CABCOCO1: variants seen among roughly 807,000 people sequenced by gnomAD.
The protein encoded by CABCOCO1 is ciliary associated calcium binding coiled-coil 1, also known as ciliary-associated calcium-binding coiled-coil protein 1.
Under a neutral mutation model 35.7 loss-of-function variants are expected in CABCOCO1, and 28 were observed. The ratio of observed to expected loss-of-function variants is 0.78; its 90% confidence interval spans 0.58 to 1.07. The LOEUF (loss-of-function observed/expected upper bound fraction) is 1.07. CABCOCO1 is among the 50% of genes least tolerant of loss of function. The pLI is 0.00. For synonymous variants in CABCOCO1, 95 were observed against 100.1 expected (o/e 0.95, Z 0.30); for missense variants, 326 against 309.2 (o/e 1.05, Z -0.41).
intron 5 of CABCOCO1, among the ~76,000 whole-genome samples, chr10:61,713,091 T>G (rs192089356): frequency 2.0e-5 from 3 of 152,338 alleles, no homozygotes; most frequent in Admixed American, 2.0e-4. Context: ...ATAAATTACC[T>G]TGGGCACTAT....
At chr10:61,677,811 G>GTTTTTTTTTTTT (rs35492889) in intron 2 of CABCOCO1, among the ~76,000 whole-genome samples, 18 of 60,326 alleles carry the variant, frequency 3.0e-4, no homozygotes, top group South Asian at 7.9e-4. Context: ...TTTTTTGGGT[G>GTTTTTTTTTTTT]TTTTTTTTTT....
intron 5 of CABCOCO1, among the ~76,000 whole-genome samples, chr10:61,747,213 A>C (rs970107645): frequency 6.6e-6 from 1 of 150,606 alleles, no homozygotes; most frequent in African/African-American, 2.4e-5. Flanking sequence ...ATAACAAAAT[A>C]CACTGCAAGG....
intron 1 of CABCOCO1, among the ~76,000 whole-genome samples, chr10:61,671,252 G>A (rs577244287): frequency 1.5e-4 from 23 of 152,086 alleles, no homozygotes; most frequent in African/African-American, 5.1e-4. Context: ...TGTGAACCTG[G>A]GAGGCGGAGC....
Position 61,694,866 on chromosome 10 carries a change from C to T in CABCOCO1, c.552+4245C>T, listed in dbSNP as rs73287781. Among the ~76,000 whole-genome samples the T allele has an allele frequency of 4.7e-3, 713 of 152,152 alleles. 6 individuals carry two copies. Among genetic ancestry groups the T allele is most frequent in the African/African-American group, 0.015 (634 of 41,528 alleles). On this transcript the variant is annotated intron_variant, in intron 5 of 7. Transcript: ENST00000648843. Reference sequence around the variant, plus strand: ...AGCATGTTGGGTCTGCACAAGACCACGTTTTAGGAGATCAGCCCTAGCTAC... The same window carrying T: ...AGCATGTTGGGTCTGCACAAGACCATGTTTTAGGAGATCAGCCCTAGCTAC...
At chr10:61,681,399 G>A (rs1327916238) in intron 3 of CABCOCO1, 87 bp downstream of exon 3, 1 of 997,548 alleles carries the variant, frequency 1.0e-6, no homozygotes, top group African/African-American at 1.7e-5. Flanking sequence ...AGATTTTATT[G>A]TAATTCCTTT....
At chr10:61,713,550 G>A (rs1380771133) in intron 5 of CABCOCO1, among the ~76,000 whole-genome samples, 1 of 152,148 alleles carries the variant, frequency 6.6e-6, no homozygotes, top group Non-Finnish European at 1.5e-5. Flanking sequence ...ACACTACGTT[G>A]AATAGGAATG....
intron 5 of CABCOCO1, among the ~76,000 whole-genome samples, chr10:61,709,011 C>T (rs1049353400): frequency 1.4e-4 from 22 of 152,090 alleles, no homozygotes; most frequent in Admixed American, 1.2e-3. Flanking sequence ...CAGATTACTG[C>T]CCATGGGATT....
chr10:61,709,098 A>G (rs1840664487), intron 5 of CABCOCO1, among the ~76,000 whole-genome samples: 1 of 152,168 alleles, frequency 6.6e-6, no homozygotes, highest in South Asian at 2.1e-4. Flanking sequence ...AAGTTATTTC[A>G]ATAAATCCAA....
chr10:61,675,128 T>C (rs997853059), intron 2 of CABCOCO1, among the ~76,000 whole-genome samples: 2 of 152,198 alleles, frequency 1.3e-5, no homozygotes, highest in African/African-American at 4.8e-5. Context: ...ATATCACCTA[T>C]CATCACTATA....
chr10:61,679,210 T>C (rs1257416542), intron 2 of CABCOCO1, among the ~76,000 whole-genome samples: 2 of 152,084 alleles, frequency 1.3e-5, no homozygotes, highest in African/African-American at 2.4e-5. Context: ...GCCACTGTCA[T>C]TATAGATCAA....
intron 3 of CABCOCO1, among the ~76,000 whole-genome samples, chr10:61,682,856 T>C (rs1839836681): frequency 6.7e-6 from 1 of 149,444 alleles, no homozygotes; most frequent in Non-Finnish European, 1.5e-5. Flanking sequence ...TATACACATG[T>C]AATAGTACCA....
At chr10:61,706,091 G>A (rs1401864561) in intron 5 of CABCOCO1, among the ~76,000 whole-genome samples, 3 of 152,278 alleles carry the variant, frequency 2.0e-5, no homozygotes, top group East Asian at 3.9e-4. Context: ...CACTCTAAAA[G>A]AATAAAGGAT....
intron 1 of CABCOCO1, among the ~76,000 whole-genome samples, chr10:61,670,289 C>A (rs930167025): frequency 6.6e-6 from 1 of 151,568 alleles, no homozygotes; most frequent in East Asian, 1.9e-4. Flanking sequence ...GTACCTTAAA[C>A]AAAAACTGGG....
At chr10:61,727,697 T>C (rs905694521) in intron 5 of CABCOCO1, among the ~76,000 whole-genome samples, 4 of 152,324 alleles carry the variant, frequency 2.6e-5, no homozygotes, top group African/African-American at 7.2e-5. Context: ...TGTATTTACA[T>C]TGATTGGGAA....
chr10:61,690,049 C>T (rs918619922), intron 4 of CABCOCO1, among the ~76,000 whole-genome samples: 3 of 151,944 alleles, frequency 2.0e-5, no homozygotes, highest in Non-Finnish European at 2.9e-5. Flanking sequence ...TTAGTTCATG[C>T]GCCATTTTTC....
At chr10:61,738,244 C>T (rs775114488) in intron 5 of CABCOCO1, among the ~76,000 whole-genome samples, 12 of 152,074 alleles carry the variant, frequency 7.9e-5, no homozygotes, top group Non-Finnish European at 1.6e-4. Context: ...CTACCATCTA[C>T]TCTCCCAAAA....
intron 2 of CABCOCO1, among the ~76,000 whole-genome samples, chr10:61,677,067 A>AT (rs1316437267): frequency 0.11 from 15,702 of 138,482 alleles, 1,105 homozygotes; most frequent in East Asian, 0.26. Context: ...TCTGTCTCAA[A>AT]AAATAATAAT....
At chr10:61,677,186 A>T (rs897276739) in intron 2 of CABCOCO1, among the ~76,000 whole-genome samples, 1 of 152,162 alleles carries the variant, frequency 6.6e-6, no homozygotes, top group East Asian at 1.9e-4. Flanking sequence ...TGTGGTCTTG[A>T]TGAAAGACTT....
chr10:61,683,839 C>A (rs1839873586), intron 3 of CABCOCO1, among the ~76,000 whole-genome samples: 1 of 152,050 alleles, frequency 6.6e-6, no homozygotes, highest in African/African-American at 2.4e-5. Flanking sequence ...AAGCAATTAT[C>A]TACAGAAAGA....
Sources: gnomAD v4.1 joint callset for allele counts (sites outside exome capture counted in the v4.1 genomes callset) on GRCh38, gnomAD v4.1.1 for gene constraint, MANE v1.5 for transcripts, NCBI Gene and HGNC (gene_info 2026-07-23, HGNC 2026-07-21) for gene names.